The following AXDND1 variants were observed in gnomAD, a reference collection of about 807,000 sequenced individuals.
AXDND1 encodes axonemal dynein light chain domain-containing protein 1.
AXDND1 carries 110 observed loss-of-function variants against 137.5 expected under a neutral mutation model. That is an observed-to-expected ratio of 0.80 (90% CI 0.69 to 0.94). AXDND1 has a LOEUF of 0.94. AXDND1 is among the 40% of genes least tolerant of loss of function. The pLI is 0.00. For missense variants in AXDND1, 1,191 were observed against 1,169.8 expected, an observed-to-expected ratio of 1.02 and a Z score of -0.26; for synonymous variants, 414 against 399.7, an observed-to-expected ratio of 1.04 and a Z score of -0.43.
In AXDND1 at chr1:179,425,411, T is replaced by A. The variant is rs528090082; in HGVS notation, c.1231-4107T>A. Among the ~76,000 whole-genome samples the A allele has an allele frequency of 2.6e-5, 4 of 152,330 alleles. No homozygotes were observed. The South Asian group carries it at 8.3e-4, about 32-fold the overall frequency. ...GTGCTGTTGATAACCCTCTCTCACATGGAGTCTCCTTTGGCTGAGTTGCAG... is the reference window on the plus strand; with the variant it reads ...GTGCTGTTGATAACCCTCTCTCACAAGGAGTCTCCTTTGGCTGAGTTGCAG... On this transcript the variant is annotated intron_variant, in intron 12 of 25. Coordinates refer to ENST00000367618, the MANE Select transcript of AXDND1 (RefSeq NM_144696.6).
At chr1:179,416,868 C>A (rs1654788375) in intron 12 of AXDND1, among the ~76,000 whole-genome samples, 1 of 152,150 alleles carries the variant, frequency 6.6e-6, no homozygotes, top group Non-Finnish European at 1.5e-5. Flanking sequence ...CAATAAAACA[C>A]CCTTTACCCA....
At chr1:179,525,706 A>C (rs956866924) in intron 22 of AXDND1, among the ~76,000 whole-genome samples, 1 of 152,038 alleles carries the variant, frequency 6.6e-6, no homozygotes, top group African/African-American at 2.4e-5. Context: ...TGCTATGCCC[A>C]GGCTGGTCTT....
At chr1:179,460,289 G>A (rs35913541) in intron 16 of AXDND1, among the ~76,000 whole-genome samples, 25,476 of 151,882 alleles carry the variant, frequency 0.17, 2,497 homozygotes, top group East Asian at 0.35. Flanking sequence ...GAGAAGATGC[G>A]GTGTTTGGTT....
intron 25 of AXDND1, among the ~76,000 whole-genome samples, chr1:179,547,258 G>T (rs925756693): frequency 7.9e-5 from 12 of 152,196 alleles, no homozygotes; most frequent in Non-Finnish European, 5.9e-5. Flanking sequence ...TGAGGCTGAG[G>T]CATTCTGTAG....
rs538499263 is a variant in AXDND1 at position 179,509,264 on chromosome 1, T to A, written c.2389-32T>A. 8.2e-6 allele frequency: 12 copies of A among 1,462,170 alleles called. No homozygotes were observed. In the South Asian group the frequency reaches 1.2e-4, roughly 14 times the overall value. 90.6% of individuals were successfully genotyped at this position (1,462,170 alleles called of 1,614,324 possible). The stretch of plus-strand genomic sequence containing the variant: ...GCGGTGAGTGAATAAATGAGCTGGT[T>A]TTTCTGCTTGTAATCTTTTATCTCT... On this transcript the variant is annotated intron_variant, in intron 20 of 25. Transcript: ENST00000367618.
At chr1:179,424,019 T>C (rs1411274362) in intron 12 of AXDND1, among the ~76,000 whole-genome samples, 1 of 152,214 alleles carries the variant, frequency 6.6e-6, no homozygotes, top group Non-Finnish European at 1.5e-5. Flanking sequence ...TTAGCATTTC[T>C]TGTAAGAGAG....
chr1:179,504,739 G>C (rs1361534272), intron 20 of AXDND1, among the ~76,000 whole-genome samples: 6 of 152,122 alleles, frequency 3.9e-5, no homozygotes, highest in Admixed American at 2.6e-4. Flanking sequence ...CTTTCCACTA[G>C]TGCTACTTTG....
rs1241565756 is a variant in AXDND1 at position 179,479,799 on chromosome 1, G to T, written c.1998-3329G>T. The stretch of plus-strand genomic sequence containing the variant: ...CTCAAAAAAGAAAGAAAGAAAGAAA[G>T]AAATTTCTTCCACCAGATATTCTAA... On this transcript the variant is annotated intron_variant, in intron 17 of 25. Transcript: ENST00000367618. Among the ~76,000 whole-genome samples, 6 of 149,250 alleles carry T rather than the reference G, an allele frequency of 4.0e-5. No individual in the cohort carries two copies. The South Asian group carries it at 1.3e-3, about 32-fold the overall frequency.
At chr1:179,368,495 G>T (rs576591968) in intron 2 of AXDND1, among the ~76,000 whole-genome samples, 1 of 152,298 alleles carries the variant, frequency 6.6e-6, no homozygotes, top group South Asian at 2.1e-4. Flanking sequence ...GGCTCTCCCA[G>T]TTACCTGAGC....
chr1:179,443,308 A>G (rs10913761), intron 15 of AXDND1, among the ~76,000 whole-genome samples: 44,430 of 152,130 alleles, frequency 0.29, 6,705 homozygotes, highest in Non-Finnish European at 0.31. Context: ...ATTGTCAGAC[A>G]TAAGTAATGT....
Position 179,400,600 on chromosome 1 carries a change from TAAA to T in AXDND1, c.1109+5409_1109+5411del, listed in dbSNP as rs71111986. Among the ~76,000 whole-genome samples the T allele has an allele frequency of 6.9e-4, 96 of 138,308 alleles. 1 individual carries two copies. The highest frequency in any genetic ancestry group is 9.2e-4 in the Admixed American group (13 of 14,100). The allele number at this position is 138,308 out of a possible 152,430, so 90.7% of individuals were successfully genotyped here. A position where few individuals can be genotyped will look rare whatever the true frequency, so the allele number is the denominator to read the frequency against. On this transcript the variant is annotated intron_variant, in intron 11 of 25. Transcript: ENST00000367618. ...TAAAATTTAAAAATTAGGGAAGAAA[TAAA>T]AAAAAAAAAAGAGAAGATGGCCAGG... is the stretch of plus-strand genomic sequence containing the variant.
At chr1:179,473,157 A>G (rs1001799057) in intron 17 of AXDND1, among the ~76,000 whole-genome samples, 3 of 152,042 alleles carry the variant, frequency 2.0e-5, no homozygotes, top group African/African-American at 7.2e-5. Flanking sequence ...TTTTCTCTAC[A>G]TTTAAAAAGT....
At chr1:179,491,501 A>C in intron 18 of AXDND1, 37 bp from the exon 19 acceptor site, 1 of 1,370,126 alleles carries the variant, frequency 7.3e-7, no homozygotes, top group Non-Finnish European at 1.0e-6. Flanking sequence ...TGATTTATTT[A>C]AAGTGGGTCA....
chr1:179,434,738 C>A (rs1293993396), intron 15 of AXDND1, among the ~76,000 whole-genome samples: 1 of 152,100 alleles, frequency 6.6e-6, no homozygotes, highest in Non-Finnish European at 1.5e-5. Flanking sequence ...AAACCCACAG[C>A]CAATATCATA....
chr1:179,425,375 T>C (rs941511985), intron 12 of AXDND1, among the ~76,000 whole-genome samples: 2 of 152,214 alleles, frequency 1.3e-5, no homozygotes, highest in African/African-American at 4.8e-5. Flanking sequence ...GAATGAACCT[T>C]GCACAGCATG....
At chr1:179,403,559 G>C (rs1470976222) in intron 11 of AXDND1, among the ~76,000 whole-genome samples, 1 of 152,164 alleles carries the variant, frequency 6.6e-6, no homozygotes, top group Admixed American at 6.6e-5. Flanking sequence ...TACTCATGCA[G>C]TGATGATTAC....
intron 20 of AXDND1, among the ~76,000 whole-genome samples, chr1:179,502,178 A>G (rs962334674): frequency 2.0e-5 from 3 of 152,226 alleles, no homozygotes; most frequent in Non-Finnish European, 2.9e-5. Flanking sequence ...GAAAATCCCA[A>G]TGGTTGACAT....
chr1:179,493,284 T>C (rs1336073933), intron 20 of AXDND1, among the ~76,000 whole-genome samples: 1 of 152,222 alleles, frequency 6.6e-6, no homozygotes, highest in African/African-American at 2.4e-5. Flanking sequence ...CTCTGACTTA[T>C]TTCACTAAGC....
At chr1:179,527,241 A>G (rs1325147398) in intron 22 of AXDND1, among the ~76,000 whole-genome samples, 4 of 152,178 alleles carry the variant, frequency 2.6e-5, no homozygotes, top group East Asian at 1.9e-4. Flanking sequence ...GTAAACTGTC[A>G]TGGCGCTGAT....
Sources: gnomAD v4.1 joint callset for allele counts (sites outside exome capture counted in the v4.1 genomes callset) on GRCh38, gnomAD v4.1.1 for gene constraint, MANE v1.5 for transcripts, NCBI Gene and HGNC (gene_info 2026-07-23, HGNC 2026-07-21) for gene names.